ZNF28: variants seen among roughly 807,000 people sequenced by gnomAD.
ZNF28 encodes zinc finger protein KOX24.
In ZNF28, 5 loss-of-function variants were observed where a neutral mutation model predicts 7.2. The ratio of observed to expected loss-of-function variants is 0.70; its 90% confidence interval spans 0.36 to 1.46. ZNF28 has a LOEUF of 1.46. Among genes scored for constraint, ZNF28 ranks in the 40% most tolerant of loss-of-function variants. The pLI is 0.03. For missense variants in ZNF28, 879 were observed against 866.6 expected, an observed-to-expected ratio of 1.01 and a Z score of -0.18; for synonymous variants, 288 against 292.4, an observed-to-expected ratio of 0.99 and a Z score of 0.15.
rs2062830378 is a variant in ZNF28 at position 52,799,150 on chromosome 19, G to A, written c.*538C>T. The A allele has an allele frequency of 2.5e-6, 1 of 401,472 alleles. No homozygotes were observed. Among genetic ancestry groups the A allele is most frequent in the Non-Finnish European group, 4.9e-6 (1 of 206,172 alleles). The allele number at this position is 401,472 out of a possible 1,614,324, so 24.9% of individuals were successfully genotyped here. On this transcript the variant is annotated 3_prime_UTR_variant, in exon 4 of 4. Transcript: ENST00000457749. Reference sequence around the variant, plus strand: ...CTATGATGACTTGCAAGGTGTGACTGTTGATTAAAAACTATGCCACATTCA... The same window carrying A: ...CTATGATGACTTGCAAGGTGTGACTATTGATTAAAAACTATGCCACATTCA...
chr19:52,809,015 TATGTGTGTGC>T (rs1374652968), intron 2 of ZNF28, among the ~76,000 whole-genome samples: 4 of 152,206 alleles, frequency 2.6e-5, no homozygotes, highest in African/African-American at 9.7e-5. Flanking sequence ...TTTGTATGTA[TATGTGTGTGC>T]ATGTGTGTGG....
chr19:52,803,695 G>A (rs868288145), intron 3 of ZNF28, among the ~76,000 whole-genome samples: 1 of 152,096 alleles, frequency 6.6e-6, no homozygotes, highest in African/African-American at 2.4e-5. Context: ...AGCCAGGCAC[G>A]GTGGCGCATG....
chr19:52,810,290 G>A, intron 2 of ZNF28: 7 of 1,505,678 alleles, frequency 4.6e-6, no homozygotes, highest in Non-Finnish European at 6.5e-6. Context: ...TTGAGGAGAA[G>A]ATGGAGGCTG....
In ZNF28 at chr19:52,803,858, C is replaced by A. The variant is rs184154034; in HGVS notation, c.143-2156G>T. 5.9e-5 allele frequency among the ~76,000 whole-genome samples: 9 copies of A among 152,194 alleles called. No homozygotes were observed. In the East Asian group the frequency reaches 1.7e-3, roughly 29 times the overall value. On this transcript the variant is annotated intron_variant, in intron 3 of 3. Transcript: ENST00000457749. ...CCTGTAATCCCAGGTACTTGGTAGT[C>A]TGAGGCAGAAAACATTTGTACCCAG...
At position 52,800,439 on chromosome 19, in the gene ZNF28, C is replaced by A. The variant is rs1235753196; in HGVS notation, c.1406G>T (p.Cys469Phe). 19 of 1,613,344 alleles carry A rather than the reference C, an allele frequency of 1.2e-5. No homozygotes were observed. The highest frequency in any genetic ancestry group is 1.5e-5 in the Non-Finnish European group (18 of 1,179,798). The change falls in exon 4 of 4, where the codon TGT (cysteine) becomes TTT (phenylalanine). Residue 469 changes from cysteine (C) to phenylalanine (F), a missense_variant. Physicochemically the swap from Cys to Phe is radical, Grantham distance 205. Around this residue, in one of 2 missense-constraint regions of ZNF28, gnomAD observed 864 missense variants for 830.2 expected, o/e 1.04. Transcript: ENST00000457749. ...RLHTAEKPYKCEECDKVFRCK... is the reference protein window; with the variant it reads ...RLHTAEKPYKFEECDKVFRCK... ...CCTGAAAACTTTGTCACATTCTTCA[C>A]ATTTGTATGGTTTCTCTGCAGTATG...
At position 52,800,707 on chromosome 19, in the gene ZNF28, C is replaced by T; in HGVS notation, c.1138G>A (p.Glu380Lys). 9.3e-6 allele frequency: 15 copies of T among 1,613,788 alleles called. 1 individual carries two copies. The highest frequency in any genetic ancestry group is 1.3e-5 in the Non-Finnish European group (15 of 1,179,990). Residue 380 changes from glutamate (E) to lysine (K), a missense_variant, in exon 4 of 4, where the codon GAG becomes AAG. Transcript: ENST00000457749. ...CATTCTTCACATTCATAAGGTTTCT[C>T]TCCAGTATGAAGCCTACGATGGCGT... ...LARHRRLHTG[E>K]KPYECEECEK...
intron 2 of ZNF28, among the ~76,000 whole-genome samples, chr19:52,811,086 G>C (rs2063028434): frequency 6.7e-6 from 1 of 150,228 alleles, no homozygotes. Context: ...TGGAGACGGG[G>C]TTTCGCTGTG....
chr19:52,808,565 C>T (rs1317496858), intron 2 of ZNF28, among the ~76,000 whole-genome samples: 5 of 149,386 alleles, frequency 3.3e-5, no homozygotes, highest in Non-Finnish European at 3.0e-5. Flanking sequence ...TCCTGGGAGG[C>T]AGAGGTTGCA....
intron 2 of ZNF28, chr19:52,810,024 G>A (rs941982895): frequency 8.0e-6 from 6 of 746,300 alleles, no homozygotes; most frequent in Non-Finnish European, 1.4e-5. Flanking sequence ...GCCGGAGCCC[G>A]AAGAGGAGCC....
At chr19:52,818,513 G>C (rs1045154746) in intron 1 of ZNF28, among the ~76,000 whole-genome samples, 1 of 152,100 alleles carries the variant, frequency 6.6e-6, no homozygotes, top group Non-Finnish European at 1.5e-5. Context: ...AGGAGTTCAA[G>C]AGCAGCCTGG....
At chr19:52,809,912 C>T (rs946173465) in intron 2 of ZNF28, 14 of 836,398 alleles carry the variant, frequency 1.7e-5, no homozygotes, top group East Asian at 1.6e-4. Flanking sequence ...ATCTTGTGCC[C>T]GGGGCCGGTG....
chr19:52,811,042 G>A (rs1434800275), intron 2 of ZNF28, among the ~76,000 whole-genome samples: 50 of 148,266 alleles, frequency 3.4e-4, no homozygotes, highest in Non-Finnish European at 6.3e-4. Context: ...GGCACGCGCC[G>A]CCACGCCTGA....
In ZNF28 at chr19:52,810,094, C is replaced by T. The variant is rs1201404529; in HGVS notation, c.16-1961G>A. The T allele has an allele frequency of 8.9e-6, 7 of 784,016 alleles. No individual in the cohort carries two copies. In the Admixed American group the frequency reaches 9.9e-5, roughly 11 times the overall value. The allele number at this position is 784,016 out of a possible 1,614,324, so 48.6% of individuals were successfully genotyped here. ...GGACCTGGGCCTCGTTCAGGAGCCA[C>T]CGGCAGCCAAGAGGAGGGGGAGGAG... On this transcript the variant is annotated intron_variant, in intron 2 of 3. Coordinates refer to ENST00000457749, the MANE Select transcript of ZNF28 (RefSeq NM_006969.5).
chr19:52,798,192 G>GCTCC lies in ZNF28; in HGVS notation c.*1492_*1495dup, dbSNP rs2147608212. 6.4e-6 allele frequency: 1 copy of GCTCC among 157,106 alleles called. No homozygotes were observed. Among genetic ancestry groups the GCTCC allele is most frequent in the East Asian group, 1.9e-4 (1 of 5,252 alleles). 9.7% of individuals were successfully genotyped at this position (157,106 alleles called of 1,614,324 possible). ...ATGAAAACACAGGCTGGGAAAAGTG[G>GCTCC]CTCCCGTCTGTTGGCCAGGCTGTTC... On this transcript the variant is annotated 3_prime_UTR_variant, in exon 4 of 4. Coordinates refer to ENST00000457749, the MANE Select transcript of ZNF28 (RefSeq NM_006969.5).
In ZNF28 at chr19:52,815,726, G is replaced by A. The variant is rs1301391582; in HGVS notation, c.15+2218C>T. ...TGTGGTCCCAGCTACTCGGGAGGCT[G>A]AGGCAGGAGAATGGTGTGAACCCAG... On this transcript the variant is annotated intron_variant, in intron 2 of 3. Transcript: ENST00000457749. Among the ~76,000 whole-genome samples, 5 of 145,940 alleles carry A rather than the reference G, an allele frequency of 3.4e-5. 1 individual carries two copies. In the Admixed American group the frequency reaches 3.4e-4, roughly 10 times the overall value.
chr19:52,813,905 G>C (rs747368666), intron 2 of ZNF28, among the ~76,000 whole-genome samples: 3 of 146,068 alleles, frequency 2.1e-5, no homozygotes, highest in Non-Finnish European at 4.4e-5. Flanking sequence ...GAGGAAGTGG[G>C]AACAGGGAGG....
intron 3 of ZNF28, among the ~76,000 whole-genome samples, chr19:52,802,121 T>C (rs1287883652): frequency 2.6e-5 from 4 of 152,146 alleles, no homozygotes; most frequent in Admixed American, 6.6e-5. Context: ...TATTGGTAAA[T>C]AATCCAAAAC....
Position 52,798,976 on chromosome 19 carries a change from G to C in ZNF28, c.*712C>G. 1 of 1,177,748 alleles carries C rather than the reference G, an allele frequency of 8.5e-7. No homozygotes were observed. Among genetic ancestry groups the C allele is most frequent in the South Asian group, 1.4e-5 (1 of 72,294 alleles). 73.0% of individuals were successfully genotyped at this position (1,177,748 alleles called of 1,614,324 possible). ...TGTGAATTCTAGTATGGTGTGCCAG[G>C]TGTGAATCACTCCCAAAAGCCTTGT... is the stretch of plus-strand genomic sequence containing the variant. On this transcript the variant is annotated 3_prime_UTR_variant, in exon 4 of 4. Coordinates refer to ENST00000457749, the MANE Select transcript of ZNF28 (RefSeq NM_006969.5).
Position 52,800,855 on chromosome 19 carries a change from C to T in ZNF28, c.990G>A (p.Lys330=), listed in dbSNP as rs759991716. 1 of 1,613,936 alleles carries T rather than the reference C, an allele frequency of 6.2e-7. No individual in the cohort carries two copies. ...IYTGGKPYKC[K]VCDKAFTCNS... ...TACATGTGAAAGCTTTGTCACAAAC[C>T]TTACATTTGTATGGTTTCCCTCCAG... Residue 330 remains lysine (K), a synonymous_variant, in exon 4 of 4, where the codon AAG becomes AAA. Transcript: ENST00000457749.
Sources: gnomAD v4.1 joint callset for allele counts (sites outside exome capture counted in the v4.1 genomes callset) on GRCh38, gnomAD v4.1.1 for gene constraint, gnomAD v4.1.1 regional missense constraint, MANE v1.5 for transcripts, NCBI Gene and HGNC (gene_info 2026-07-23, HGNC 2026-07-21) for gene names.